DENND6A: variants seen among roughly 807,000 people sequenced by gnomAD.
DENND6A encodes protein DENND6A.
A neutral mutation model predicts 95.5 loss-of-function variants in DENND6A; 43 were observed. That is an observed-to-expected ratio of 0.45 (90% CI 0.35 to 0.58). DENND6A has a LOEUF of 0.58. Among genes scored for constraint, DENND6A ranks in the 20% least tolerant of loss-of-function variants. The pLI is 0.00. For synonymous variants in DENND6A, 257 were observed against 260.4 expected (o/e 0.99, Z 0.13); for missense variants, 574 against 736.0 (o/e 0.78, Z 2.55).
chr3:57,687,802 A>T (rs2077224620), intron 1 of DENND6A, among the ~76,000 whole-genome samples: 1 of 151,986 alleles, frequency 6.6e-6, no homozygotes, highest in Admixed American at 6.6e-5. Context: ...GTGCATAAGC[A>T]TATGCCTGCA....
chr3:57,645,250 C>G (rs1421500219), intron 11 of DENND6A, among the ~76,000 whole-genome samples: 1 of 152,000 alleles, frequency 6.6e-6, no homozygotes, highest in Non-Finnish European at 1.5e-5. Flanking sequence ...ATCACAAAGT[C>G]AGGAATTCGA....
In DENND6A at chr3:57,646,384, C is replaced by T. The variant is rs757321276; in HGVS notation, c.873G>A (p.Leu291=). 1 of 1,613,982 alleles carries T rather than the reference C, an allele frequency of 6.2e-7. No homozygotes were observed. Among genetic ancestry groups the T allele is most frequent in the Non-Finnish European group, 8.5e-7 (1 of 1,180,002 alleles). ...HSQMLWELVL[L]GEPLVVMAPS... is the part of the protein sequence containing the mutation. ...GCGCCATAACCACAAGGGGCTCCCC[C>T]AACAGCACCAGCTCCCAGAGCATCT... Residue 291 remains leucine, a synonymous_variant, in exon 10 of 20, where the codon TTG becomes TTA. Coordinates refer to ENST00000311128, the MANE Select transcript of DENND6A (RefSeq NM_152678.3).
At chr3:57,663,789 A>G (rs542555768) in intron 4 of DENND6A, 73 bp from the exon 5 acceptor site, 3 of 793,264 alleles carry the variant, frequency 3.8e-6, no homozygotes, top group East Asian at 3.2e-5. Flanking sequence ...ATCCATATCT[A>G]TATCTTTTAA....
At position 57,661,636 on chromosome 3, in the gene DENND6A, C is replaced by T. The variant is rs17058428; in HGVS notation, c.514-85G>A. The T allele has an allele frequency of 8.6e-3, 9,232 of 1,069,788 alleles. 542 individuals are homozygous for T. The African/African-American group carries it at 0.13, about 15-fold the overall frequency. 66.3% of individuals were successfully genotyped at this position (1,069,788 alleles called of 1,614,324 possible). A position where few individuals can be genotyped will look rare whatever the true frequency, so the allele number is the denominator to read the frequency against. The stretch of plus-strand genomic sequence containing the variant: ...TCAATTACTAACAAGCTAAATTCAG[C>T]AAAAAGTGTGGATTTTAAAATAAAA... On this transcript the variant is annotated intron_variant, in intron 5 of 19. Transcript: ENST00000311128.
chr3:57,657,536 T>C, intron 9 of DENND6A, 144 bp downstream of exon 9: 1 of 549,072 alleles, frequency 1.8e-6, no homozygotes, highest in Non-Finnish European at 3.3e-6. Flanking sequence ...TACCCAGGGA[T>C]GAACCATTGA....
At chr3:57,673,840 G>T (rs1481718124) in intron 1 of DENND6A, among the ~76,000 whole-genome samples, 2 of 152,060 alleles carry the variant, frequency 1.3e-5, no homozygotes, top group Non-Finnish European at 2.9e-5. Flanking sequence ...CACCTCCCAG[G>T]TTCAAGTGAT....
At chr3:57,657,484 T>C (rs1450292369) in intron 9 of DENND6A, among the ~76,000 whole-genome samples, 196 bp downstream of exon 9, 1 of 152,164 alleles carries the variant, frequency 6.6e-6, no homozygotes, top group Non-Finnish European at 1.5e-5. Flanking sequence ...ATAATACATA[T>C]TCTATATTTA....
chr3:57,675,079 T>C (rs2071687831), intron 1 of DENND6A, among the ~76,000 whole-genome samples: 1 of 152,162 alleles, frequency 6.6e-6, no homozygotes, highest in African/African-American at 2.4e-5. Context: ...CCCTGAGACA[T>C]GAGTTTATGT....
In DENND6A at chr3:57,662,383, G is replaced by A. The variant is rs1174855625; in HGVS notation, c.514-832C>T. Among the ~76,000 whole-genome samples the A allele has an allele frequency of 2.0e-5, 3 of 151,160 alleles. No homozygotes were observed. In the East Asian group the frequency reaches 5.8e-4, roughly 29 times the overall value. ...TTTTTGGGGGTCAGGGTGGATTTTT[G>A]GTAGAGATAGCGTTTTGCCATGTTG... On this transcript the variant is annotated intron_variant, in intron 5 of 19. Transcript: ENST00000311128.
chr3:57,641,214 TA>T (rs1469133633), intron 12 of DENND6A, among the ~76,000 whole-genome samples: 1 of 144,410 alleles, frequency 6.9e-6, no homozygotes, highest in African/African-American at 2.5e-5. Flanking sequence ...ATTTAAGTAA[TA>T]AAAATATATA....
At chr3:57,660,176 T>C (rs139103274) in intron 7 of DENND6A, among the ~76,000 whole-genome samples, 20 of 146,866 alleles carry the variant, frequency 1.4e-4, no homozygotes, top group African/African-American at 5.0e-4. Context: ...AAAGCCCATG[T>C]GTGAGCTTCC....
At position 57,633,345 on chromosome 3, in the gene DENND6A, G is replaced by C; in HGVS notation, c.1273C>G (p.Gln425Glu). 6.2e-7 allele frequency: 1 copy of C among 1,613,384 alleles called. No individual in the cohort carries two copies. The highest frequency in any genetic ancestry group is 8.5e-7 in the Non-Finnish European group (1 of 1,179,650). The change falls in exon 15 of 20, where the codon CAG becomes GAG. Residue 425 changes from glutamine to glutamate, a missense_variant. Around this residue, in one of 2 missense-constraint regions of DENND6A, gnomAD observed 452 missense variants for 630.9 expected, o/e 0.72. Coordinates refer to ENST00000311128, the MANE Select transcript of DENND6A (RefSeq NM_152678.3). ...CTTTGAGCCTCAGAAGGACGTTTCTGTTGTACACCCTTAAAAGAGGAAATA... is the reference window on the plus strand; with the variant it reads ...CTTTGAGCCTCAGAAGGACGTTTCTCTTGTACACCCTTAAAAGAGGAAATA... ...IIKQLQKGVQ[Q>E]KRPSEAQSVI...
At chr3:57,649,321 C>T (rs1339709301) in intron 9 of DENND6A, among the ~76,000 whole-genome samples, 3 of 152,028 alleles carry the variant, frequency 2.0e-5, no homozygotes, top group Non-Finnish European at 2.9e-5. Flanking sequence ...CTCACTCCTG[C>T]AAGAATAGCC....
At chr3:57,682,041 G>T (rs1410247174) in intron 1 of DENND6A, among the ~76,000 whole-genome samples, 1 of 152,014 alleles carries the variant, frequency 6.6e-6, no homozygotes, top group Non-Finnish European at 1.5e-5. Context: ...ACCATAAAAA[G>T]GCATAAAATC....
chr3:57,659,805 G>A lies in DENND6A; in HGVS notation c.700-625C>T, dbSNP rs9818132. Among the ~76,000 whole-genome samples the A allele has an allele frequency of 1.4e-3, 219 of 152,282 alleles. 1 individual carries two copies. Among genetic ancestry groups the A allele is most frequent in the African/African-American group, 4.9e-3 (205 of 41,560 alleles). ...ATGAACATGTGTGGTCTGACATCACGTGTTAAGAACATCACTTAGGACTAA... is the reference window on the plus strand; with the variant it reads ...ATGAACATGTGTGGTCTGACATCACATGTTAAGAACATCACTTAGGACTAA... On this transcript the variant is annotated intron_variant, in intron 7 of 19. Coordinates refer to ENST00000311128, the MANE Select transcript of DENND6A (RefSeq NM_152678.3).
intron 9 of DENND6A, among the ~76,000 whole-genome samples, chr3:57,652,780 G>A (rs974309403): frequency 1.1e-4 from 16 of 152,138 alleles, no homozygotes; most frequent in Admixed American, 2.0e-4. Context: ...ATCTAATCAG[G>A]AGTAAATACC....
intron 1 of DENND6A, among the ~76,000 whole-genome samples, chr3:57,674,586 C>A (rs1425453118): frequency 6.6e-6 from 1 of 152,078 alleles, no homozygotes; most frequent in African/African-American, 2.4e-5. Flanking sequence ...GCAGTGGGCC[C>A]AAGATCGTGC....
rs1040000307 is a variant in DENND6A, at chr3:57,629,768, C to T, written c.1620+653G>A. Among the ~76,000 whole-genome samples the T allele has an allele frequency of 2.0e-5, 3 of 151,872 alleles. No homozygotes were observed. In the South Asian group the frequency reaches 6.2e-4, roughly 32 times the overall value. On this transcript the variant is annotated intron_variant, in intron 18 of 19. Coordinates refer to ENST00000311128, the MANE Select transcript of DENND6A (RefSeq NM_152678.3). ...CCATCTCCTGACCTCGTGATCCACC[C>T]ACCTCAGCCTCCCAAAGTGCTGGGA...
chr3:57,668,912 G>A (rs370101349), intron 3 of DENND6A, among the ~76,000 whole-genome samples: 9 of 151,956 alleles, frequency 5.9e-5, no homozygotes, highest in Non-Finnish European at 7.4e-5. Flanking sequence ...TCACTCCGTC[G>A]CCCAGCCTGG....
Sources: gnomAD v4.1 joint callset for allele counts (sites outside exome capture counted in the v4.1 genomes callset) on GRCh38, gnomAD v4.1.1 for gene constraint, gnomAD v4.1.1 regional missense constraint, MANE v1.5 for transcripts, NCBI Gene and HGNC (gene_info 2026-07-23, HGNC 2026-07-21) for gene names.